Variants in SGCD observed in about 807,000 individuals in gnomAD.
SGCD encodes the protein sarcoglycan delta, also known as delta-sarcoglycan.
A neutral mutation model predicts 36.6 loss-of-function variants in SGCD; 18 were observed. That is an observed-to-expected ratio of 0.49 (90% CI 0.34 to 0.73). SGCD has a LOEUF of 0.73. Ranked by LOEUF, SGCD falls within the 30% of genes least tolerant of loss-of-function variation. SGCD has a pLI of 0.01. For missense variants in SGCD, 387 were observed against 346.7 expected, an observed-to-expected ratio of 1.12 and a Z score of -0.92; for synonymous variants, 133 against 130.6, an observed-to-expected ratio of 1.02 and a Z score of -0.12.
chr5:156,173,015 AATC>A (rs1763379481), intron 3 of SGCD, among the ~76,000 whole-genome samples: 2 of 152,258 alleles, frequency 1.3e-5, no homozygotes, highest in African/African-American at 2.4e-5. Flanking sequence ...AATATATTCT[AATC>A]ATGGATTAAC....
At chr5:156,439,660 A>G (rs1753398171) in intron 3 of SGCD, among the ~76,000 whole-genome samples, 2 of 148,322 alleles carry the variant, frequency 1.3e-5, no homozygotes, top group African/African-American at 5.1e-5. Flanking sequence ...AACCATCAGA[A>G]AACAGTTCTT....
At chr5:155,916,607 C>G (rs1440935652) in intron 1 of SGCD, among the ~76,000 whole-genome samples, 2 of 152,118 alleles carry the variant, frequency 1.3e-5, no homozygotes, top group Non-Finnish European at 2.9e-5. Context: ...TTTTGTGTTT[C>G]TTTTAAGTTG....
chr5:155,825,169 G>A, the SGCD span, among the ~76,000 whole-genome samples: 1 of 152,162 alleles, frequency 6.6e-6, no homozygotes, highest in African/African-American at 2.4e-5. Context: ...CATTCATGGT[G>A]ATTAACATAC....
intron 7 of SGCD, among the ~76,000 whole-genome samples, chr5:156,689,631 A>G (rs1353249): frequency 0.074 from 11,235 of 152,248 alleles, 442 homozygotes; most frequent in African/African-American, 0.097. Context: ...GTGTAGGCAC[A>G]TGAAAGACCC....
intron 3 of SGCD, among the ~76,000 whole-genome samples, chr5:156,289,038 G>A (rs1362016533): frequency 6.6e-6 from 1 of 152,062 alleles, no homozygotes; most frequent in African/African-American, 2.4e-5. Flanking sequence ...GTCCTTGTTA[G>A]CTCCTCTATT....
intron 1 of SGCD, among the ~76,000 whole-genome samples, chr5:155,964,956 T>G (rs1757874107): frequency 6.6e-6 from 1 of 152,126 alleles, no homozygotes; most frequent in African/African-American, 2.4e-5. Context: ...TGCCAGGATA[T>G]TCAACCCTGG....
At position 156,472,831 on chromosome 5, in the gene SGCD, T is replaced by TA. The variant is rs1355228013; in HGVS notation, c.193-35768dup. Among the ~76,000 whole-genome samples, 4 of 152,188 alleles carry TA rather than the reference T, an allele frequency of 2.6e-5. No homozygotes were observed. The East Asian group carries it at 5.8e-4, about 22-fold the overall frequency. On this transcript the variant is annotated intron_variant, in intron 3 of 8. Transcript: ENST00000337851. ...TATGAATTTCAAGTACAGATAAAAC[T>TA]AATCTATGTGATAAAAGAGAAATGT...
intron 3 of SGCD, among the ~76,000 whole-genome samples, chr5:156,171,676 C>T (rs545382274): frequency 6.6e-6 from 1 of 152,248 alleles, no homozygotes; most frequent in East Asian, 1.9e-4. Context: ...TACAGTAGCA[C>T]ACTGTATTAC....
At position 156,644,926 on chromosome 5, in the gene SGCD, A is replaced by AT. The variant is rs11296311; in HGVS notation, c.503-2522dup. Among the ~76,000 whole-genome samples the AT allele has an allele frequency of 7.4e-3, 1,076 of 146,354 alleles. 11 individuals carry two copies. The highest frequency in any genetic ancestry group is 0.073 in the Middle Eastern group (21 of 286). The stretch of plus-strand genomic sequence containing the variant: ...CTTATGGCAGTGGAGTGCATTTGAG[A>AT]TTTTTTTTTTTTTTTTACAAGTTTA... On this transcript the variant is annotated intron_variant, in intron 6 of 8. Coordinates refer to ENST00000337851, the MANE Select transcript of SGCD (RefSeq NM_000337.6).
chr5:156,576,098 C>T (rs552943652), intron 4 of SGCD, among the ~76,000 whole-genome samples: 124 of 152,022 alleles, frequency 8.2e-4, no homozygotes, highest in Non-Finnish European at 9.3e-4. Context: ...CAATAGACCC[C>T]GGGGTGTGAT....
intron 1 of SGCD, among the ~76,000 whole-genome samples, chr5:155,889,858 T>G (rs1268928612): frequency 2.0e-5 from 3 of 152,218 alleles, no homozygotes; most frequent in Non-Finnish European, 4.4e-5. Context: ...CCCGCCCTAT[T>G]CCTTGGGCTG....
At chr5:156,446,764 T>C (rs961365903) in intron 3 of SGCD, among the ~76,000 whole-genome samples, 2 of 152,146 alleles carry the variant, frequency 1.3e-5, no homozygotes, top group East Asian at 3.9e-4. Flanking sequence ...AATGATTTCA[T>C]GAGGATGAGA....
intron 6 of SGCD, among the ~76,000 whole-genome samples, chr5:156,607,674 C>T (rs1761539551): frequency 6.8e-6 from 1 of 146,948 alleles, no homozygotes; most frequent in Non-Finnish European, 1.5e-5. Context: ...TCCATCTGGT[C>T]CTGGACTTCT....
chr5:156,431,357 C>T (rs866677653), intron 3 of SGCD, among the ~76,000 whole-genome samples: 5 of 152,146 alleles, frequency 3.3e-5, no homozygotes, highest in Middle Eastern at 3.2e-3. Context: ...TTGCCCTCAT[C>T]CTGGATTGTT....
chr5:156,408,358 A>ATTT (rs199533412), intron 3 of SGCD, among the ~76,000 whole-genome samples: 2 of 139,008 alleles, frequency 1.4e-5, no homozygotes, highest in Non-Finnish European at 3.2e-5. Flanking sequence ...CCCAAGTTGG[A>ATTT]TTTTTTTTTT....
intron 3 of SGCD, among the ~76,000 whole-genome samples, chr5:156,483,107 C>A (rs1336800621): frequency 6.6e-6 from 1 of 152,032 alleles, no homozygotes; most frequent in Non-Finnish European, 1.5e-5. Context: ...AGTGAAGGAG[C>A]CAGCTGTGCA....
At chr5:155,731,666 T>G in the SGCD span, among the ~76,000 whole-genome samples, 1 of 152,244 alleles carries the variant, frequency 6.6e-6, no homozygotes, top group African/African-American at 2.4e-5. Flanking sequence ...AAATACATGT[T>G]GGAGAATTGA....
At chr5:156,111,384 G>A (rs958406629) in intron 1 of SGCD, among the ~76,000 whole-genome samples, 1 of 152,106 alleles carries the variant, frequency 6.6e-6, no homozygotes, top group Non-Finnish European at 1.5e-5. Context: ...TGAGAATTTG[G>A]GATTTCATTC....
chr5:156,149,691 G>A (rs978703543), intron 3 of SGCD, among the ~76,000 whole-genome samples: 1 of 152,108 alleles, frequency 6.6e-6, no homozygotes. Flanking sequence ...GGGGAGGTGG[G>A]GACCTTGAGA....
Sources: allele counts gnomAD v4.1 joint callset (sites outside exome capture counted in the v4.1 genomes callset), GRCh38; gene constraint gnomAD v4.1.1; transcripts MANE v1.5; gene names NCBI Gene and HGNC (gene_info 2026-07-23, HGNC 2026-07-21).